The following UGT2B11 variants were observed in gnomAD, a reference collection of about 807,000 sequenced individuals.
The protein encoded by UGT2B11 is UDP glucuronosyltransferase family 2 member B11, also known as UDP-glucuronosyltransferase 2B11.
Under a neutral mutation model 51.7 loss-of-function variants are expected in UGT2B11, and 49 were observed. The observed-to-expected ratio is 0.95, with a 90% CI of 0.75 to 1.20. The LOEUF is 1.20. UGT2B11 is among the 50% of genes most tolerant of loss of function. UGT2B11 has a pLI of 0.00. For missense variants in UGT2B11, 810 were observed against 622.1 expected (o/e 1.30, Z -3.21); for synonymous variants, 273 against 209.0 (o/e 1.31, Z -2.64).
At chr4:69,207,246 TTA>T (rs1358560286) in intron 3 of UGT2B11, among the ~76,000 whole-genome samples, 1 of 151,656 alleles carries the variant, frequency 6.6e-6, no homozygotes. Context: ...CAAGACATTC[TTA>T]TTTTAAGTTA....
At position 69,211,466 on chromosome 4, in the gene UGT2B11, A is replaced by T. The variant is rs1722061624; in HGVS notation, c.870+1107T>A. Reference sequence around the variant, plus strand: ...CTGAATAATCTGGTTCTCTTAAATGAGGAATGATATCTCAAGTGACTTGCA... The same window carrying T: ...CTGAATAATCTGGTTCTCTTAAATGTGGAATGATATCTCAAGTGACTTGCA... On this transcript the variant is annotated intron_variant, in intron 2 of 5. Coordinates refer to ENST00000446444, the MANE Select transcript of UGT2B11 (RefSeq NM_001073.3). 4.0e-5 allele frequency among the ~76,000 whole-genome samples: 6 copies of T among 151,716 alleles called. No homozygotes were observed. In the South Asian group the frequency reaches 1.2e-3, roughly 31 times the overall value.
At chr4:69,221,114 G>A in the UGT2B11 span, among the ~76,000 whole-genome samples, 1 of 152,270 alleles carries the variant, frequency 6.6e-6, no homozygotes, top group East Asian at 1.9e-4. Flanking sequence ...ATATGGACAT[G>A]GGAGGTGCTA....
intron 2 of UGT2B11, among the ~76,000 whole-genome samples, chr4:69,210,312 A>G (rs1434833036): frequency 6.6e-6 from 1 of 151,484 alleles, no homozygotes; most frequent in Non-Finnish European, 1.5e-5. Flanking sequence ...TTTTTTTATG[A>G]TTTCACGTGA....
Position 69,214,652 on chromosome 4 carries a change from C to G in UGT2B11, c.71G>C (p.Gly24Ala). The change falls in exon 1 of 6, where the codon GGA (glycine) becomes GCA (alanine). Residue 24 changes from glycine (G) to alanine (A), a missense_variant. By Grantham distance (60) the Gly-to-Ala change is moderately conservative (BLOSUM62 0). Transcript: ENST00000446444. ...LSCYFSSGSCGKVLVWAAEYS... is the reference protein window; with the variant it reads ...LSCYFSSGSCAKVLVWAAEYS... ...TTCTGCGGCCCACACCAGCACTTTT[C>G]CACAACTCCCAGAGCTAAAGTAACA... The G allele has an allele frequency of 1.2e-6, 2 of 1,613,104 alleles. No homozygotes were observed. Among genetic ancestry groups the G allele is most frequent in the African/African-American group, 2.7e-5 (2 of 74,962 alleles).
At position 69,205,559 on chromosome 4, in the gene UGT2B11, C is replaced by T; in HGVS notation, c.1011G>A (p.Trp337Ter). The stretch of plus-strand genomic sequence containing the variant: ...CATCTGGTTTATTCCCGTCAAATCT[C>T]CACAGAACCTGTTACAGTAAAGAGA... ...ALAKIPQKVL[W>*]RFDGNKPDAL... The change falls in exon 4 of 6, where the codon TGG becomes TGA. Residue 337 changes from tryptophan (W) to a stop codon, truncating the protein, a stop_gained. Coordinates refer to ENST00000446444, the MANE Select transcript of UGT2B11 (RefSeq NM_001073.3). LOFTEE classifies it high-confidence loss of function. 1 of 1,609,894 alleles carries T rather than the reference C, an allele frequency of 6.2e-7. No individual in the cohort carries two copies. The highest frequency in any genetic ancestry group is 1.1e-5 in the South Asian group (1 of 90,904).
chr4:69,204,353 G>T, intron 5 of UGT2B11, 77 bp downstream of exon 5: 2 of 1,574,776 alleles, frequency 1.3e-6, no homozygotes, highest in Non-Finnish European at 1.7e-6. Context: ...CTTATAAAAA[G>T]GATGAAACTC....
At chr4:69,208,615 C>G in intron 2 of UGT2B11, 133 bp from the exon 3 acceptor site, 2 of 1,470,648 alleles carry the variant, frequency 1.4e-6, no homozygotes, top group Non-Finnish European at 1.8e-6. Context: ...TATTTTTTAA[C>G]TGAATCATTC....
At chr4:69,216,977 A>G (rs1302665436), upstream of UGT2B11, among the ~76,000 whole-genome samples, 2 of 152,106 alleles carry the variant, frequency 1.3e-5, no homozygotes, top group African/African-American at 4.8e-5. Flanking sequence ...TTTCACAATT[A>G]TGATATTAGC....
chr4:69,210,858 G>T (rs1722034301), intron 2 of UGT2B11, among the ~76,000 whole-genome samples: 1 of 151,598 alleles, frequency 6.6e-6, no homozygotes, highest in Non-Finnish European at 1.5e-5. Flanking sequence ...ATGCATTGAA[G>T]AATGCTTACT....
chr4:69,209,528 A>G (rs924972098), intron 2 of UGT2B11, among the ~76,000 whole-genome samples: 2 of 151,732 alleles, frequency 1.3e-5, no homozygotes, highest in Non-Finnish European at 2.9e-5. Flanking sequence ...GTATTTTCAG[A>G]TTTAATCATT....
Position 69,212,815 on chromosome 4 carries a change from T to C in UGT2B11, c.722-94A>G. On this transcript the variant is annotated intron_variant, in intron 1 of 5. Coordinates refer to ENST00000446444, the MANE Select transcript of UGT2B11 (RefSeq NM_001073.3). ...GGTTAGAACAATGTAAGCAAAGATG[T>C]AGGTAAAGTTTATGTGCTTTGAAAA... 2.2e-6 allele frequency: 3 copies of C among 1,384,690 alleles called. No individual in the cohort carries two copies. In the South Asian group the frequency reaches 5.0e-5, roughly 23 times the overall value. 85.8% of individuals were successfully genotyped at this position (1,384,690 alleles called of 1,614,324 possible).
At position 69,200,178 on chromosome 4, in the gene UGT2B11, T is replaced by C. The variant is rs1003063645; in HGVS notation, c.*262A>G. On this transcript the variant is annotated 3_prime_UTR_variant, in exon 6 of 6. Coordinates refer to ENST00000446444, the MANE Select transcript of UGT2B11 (RefSeq NM_001073.3). The stretch of plus-strand genomic sequence containing the variant: ...TCAATATAAGTGCAACAAATTTCAA[T>C]ATGAGCTCAAATGGCTTTATATTAT... The C allele has an allele frequency of 1.6e-5, 5 of 319,788 alleles. No individual in the cohort carries two copies. The highest frequency in any genetic ancestry group is 2.1e-5 in the Non-Finnish European group (4 of 192,388). The allele number at this position is 319,788 out of a possible 1,614,324, so 19.8% of individuals were successfully genotyped here. A position where few individuals can be genotyped will look rare whatever the true frequency, so the allele number is the denominator to read the frequency against.
upstream of UGT2B11, among the ~76,000 whole-genome samples, chr4:69,219,213 C>T (rs1311992886): frequency 1.3e-5 from 2 of 151,844 alleles, no homozygotes; most frequent in African/African-American, 4.8e-5. Context: ...TCTAGTTGAT[C>T]ATCTTGAGCA....
chr4:69,215,462 C>A (rs1722241190), upstream of UGT2B11: 2 of 151,944 alleles, frequency 1.3e-5, no homozygotes, highest in African/African-American at 2.4e-5. Context: ...TAAATAAGGA[C>A]TTCATTTTTA....
At chr4:69,222,144 C>A in the UGT2B11 span, among the ~76,000 whole-genome samples, 2 of 152,270 alleles carry the variant, frequency 1.3e-5, no homozygotes. Context: ...TCCTCTTGGT[C>A]CCTGTTATAG....
In UGT2B11 at chr4:69,214,681, G is replaced by A. The variant is rs1560542103; in HGVS notation, c.42C>T (p.Leu14=). 1.9e-6 allele frequency: 3 copies of A among 1,612,908 alleles called. No homozygotes were observed. The highest frequency in any genetic ancestry group is 1.7e-4 in the Middle Eastern group (1 of 6,046). Residue 14 remains leucine (L), a synonymous_variant, in exon 1 of 6, where the codon CTC becomes CTT. Transcript: ENST00000446444. ...AACTCCCAGAGCTAAAGTAACAACT[G>A]AGATGTATCAGCAGAAGAACTGAAG... ...KWTSVLLLIH[L]SCYFSSGSCG...
At chr4:69,222,234 G>A in the UGT2B11 span, among the ~76,000 whole-genome samples, 2 of 152,270 alleles carry the variant, frequency 1.3e-5, no homozygotes, top group African/African-American at 4.8e-5. Flanking sequence ...TTCTCCTAAT[G>A]TCAGCCACTG....
intron 3 of UGT2B11, chr4:69,205,837 AAAG>A (rs1370126893): frequency 3.0e-6 from 1 of 335,816 alleles, no homozygotes; most frequent in African/African-American, 2.2e-5. Context: ...ACACTTTTTA[AAAG>A]AAGACCTACC....
upstream of UGT2B11, chr4:69,216,273 C>T (rs1280842966): frequency 2.0e-5 from 3 of 152,006 alleles, no homozygotes; most frequent in African/African-American, 7.2e-5. Context: ...AGCTTTTGAA[C>T]AGTATCAGAA....
Sources: allele counts gnomAD v4.1 joint callset (sites outside exome capture counted in the v4.1 genomes callset), GRCh38; gene constraint gnomAD v4.1.1; transcripts MANE v1.5; gene names NCBI Gene and HGNC (gene_info 2026-07-23, HGNC 2026-07-21).